Variants in BNIPL observed in about 807,000 individuals in gnomAD.
BNIPL encodes BCL2 interacting protein like, also known as bcl-2/adenovirus E1B 19 kDa-interacting protein 2-like protein.
Under a neutral mutation model 47.0 loss-of-function variants are expected in BNIPL, and 33 were observed. The observed-to-expected ratio is 0.70, with a 90% CI of 0.53 to 0.94. The LOEUF (loss-of-function observed/expected upper bound fraction) is 0.94, where lower values mean the gene tolerates loss of function less well. Among genes scored for constraint, BNIPL ranks in the 40% least tolerant of loss-of-function variants. BNIPL has a pLI of 0.00. For synonymous variants in BNIPL, 145 were observed against 162.7 expected, an observed-to-expected ratio of 0.89 and a Z score of 0.83; for missense variants, 404 against 445.2, an observed-to-expected ratio of 0.91 and a Z score of 0.83.
At chr1:151,045,129 A>G (rs587680659) in intron 7 of BNIPL, 8 of 294,180 alleles carry the variant, frequency 2.7e-5, no homozygotes, top group Admixed American at 5.2e-5. Flanking sequence ...TTAGCTGGGC[A>G]TGGTGGCATG....
intron 9 of BNIPL, among the ~76,000 whole-genome samples, chr1:151,046,375 AC>A (rs201670466): frequency 6.6e-6 from 1 of 151,140 alleles, no homozygotes; most frequent in South Asian, 2.1e-4. Flanking sequence ...AAAAAAAAAA[AC>A]CTATACATAT....
intron 1 of BNIPL, 62 bp downstream of exon 1, chr1:151,036,828 C>T (rs1675615439): frequency 2.7e-6 from 4 of 1,487,100 alleles, no homozygotes; most frequent in African/African-American, 1.4e-5. Context: ...AGAGACTTCC[C>T]CACCACCCAG....
At position 151,036,699 on chromosome 1, in the gene BNIPL, A is replaced by G. The variant is rs774828944; in HGVS notation, c.-27A>G. The G allele has an allele frequency of 3.1e-6, 5 of 1,600,516 alleles. No individual in the cohort carries two copies. The highest frequency in any genetic ancestry group is 4.3e-6 in the Non-Finnish European group (5 of 1,167,800). ...CTCCCCAACAACTCCTAGGTGTTTA[A>G]AGAAGGAGGCAGGAAGACTTGTGAA... On this transcript the variant is annotated 5_prime_UTR_variant, in exon 1 of 10. Transcript: ENST00000368931.
At chr1:151,045,611 G>T in intron 7 of BNIPL, 186 bp from the exon 8 acceptor site, 1 of 981,516 alleles carries the variant, frequency 1.0e-6, no homozygotes, top group Non-Finnish European at 1.4e-6. Flanking sequence ...TGAGGATCAT[G>T]GAGGGCTAAA....
intron 7 of BNIPL, chr1:151,045,465 A>C (rs866261367): frequency 1.2e-4 from 25 of 211,290 alleles, no homozygotes; most frequent in African/African-American, 5.8e-4. Context: ...AGGCTGAGGC[A>C]GGAGAATGGC....
chr1:151,042,244 G>T lies in BNIPL; in HGVS notation c.434-712G>T, dbSNP rs189166148. On this transcript the variant is annotated intron_variant, in intron 4 of 9. Transcript: ENST00000368931. ...GAATGATTTTGAGTTCCATTTTTTT[G>T]TTGTTGTTGTTATTGTTTTGTAATT... Among the ~76,000 whole-genome samples, 901 of 151,616 alleles carry T rather than the reference G, an allele frequency of 5.9e-3. 14 individuals carry two copies. Among genetic ancestry groups the T allele is most frequent in the African/African-American group, 0.02 (818 of 41,328 alleles).
chr1:151,038,887 G>T lies in BNIPL; in HGVS notation c.294G>T (p.Lys98Asn), dbSNP rs774834566. 1.9e-6 allele frequency: 3 copies of T among 1,614,082 alleles called. No homozygotes were observed. Among genetic ancestry groups the T allele is most frequent in the Non-Finnish European group, 2.5e-6 (3 of 1,179,986 alleles). ...SAPELRLSLTKGPGNDGASPT... is the reference protein window; with the variant it reads ...SAPELRLSLTNGPGNDGASPT... ...CAGAGTTGCGGCTGAGTCTGACTAA[G>T]GGGCCTGGAAATGATGGAGCTTCAC... is the stretch of plus-strand genomic sequence containing the variant. The change falls in exon 4 of 10, where the codon AAG (lysine) becomes AAT (asparagine). Residue 98 changes from lysine (K) to asparagine (N), a missense_variant. Physicochemically the swap from Lys to Asn is moderately conservative, Grantham distance 94 (BLOSUM62 0). Coordinates refer to ENST00000368931, the MANE Select transcript of BNIPL (RefSeq NM_138278.4).
In BNIPL at chr1:151,038,903, G is replaced by A. The variant is rs776813424; in HGVS notation, c.310G>A (p.Gly104Arg). 6.2e-7 allele frequency: 1 copy of A among 1,614,050 alleles called. No homozygotes were observed. The highest frequency in any genetic ancestry group is 1.7e-5 in the Admixed American group (1 of 59,982). ...LSLTKGPGND[G>R]ASPTQSAPSS... is the part of the protein sequence containing the mutation. ...TCTGACTAAGGGGCCTGGAAATGAT[G>A]GAGCTTCACCCACCCAGTCTGCACC... Residue 104 changes from glycine to arginine, a missense_variant, in exon 4 of 10, where the codon GGA becomes AGA. Coordinates refer to ENST00000368931, the MANE Select transcript of BNIPL (RefSeq NM_138278.4).
At chr1:151,046,028 C>G in intron 8 of BNIPL, 39 bp from the exon 9 acceptor site, 1 of 1,613,750 alleles carries the variant, frequency 6.2e-7, no homozygotes, top group Non-Finnish European at 8.5e-7. Flanking sequence ...GAACCCTTCT[C>G]CCAATACAAA....
Position 151,038,901 on chromosome 1 carries a change from A to G in BNIPL, c.308A>G (p.Asp103Gly). The G allele has an allele frequency of 2.5e-6, 4 of 1,614,078 alleles. No individual in the cohort carries two copies. The highest frequency in any genetic ancestry group is 3.4e-6 in the Non-Finnish European group (4 of 1,179,990). Residue 103 changes from aspartate (D) to glycine (G), a missense_variant, in exon 4 of 10, where the codon GAT (aspartate) becomes GGT (glycine). Asp to Gly is a moderately conservative substitution (Grantham distance 94). Coordinates refer to ENST00000368931, the MANE Select transcript of BNIPL (RefSeq NM_138278.4). ...AGTCTGACTAAGGGGCCTGGAAATG[A>G]TGGAGCTTCACCCACCCAGTCTGCA... Reference protein sequence around the residue: ...RLSLTKGPGNDGASPTQSAPS... With the variant: ...RLSLTKGPGNGGASPTQSAPS...
intron 4 of BNIPL, among the ~76,000 whole-genome samples, chr1:151,040,759 C>T (rs1190977959): frequency 6.8e-6 from 1 of 147,254 alleles, no homozygotes; most frequent in Non-Finnish European, 1.5e-5. Context: ...TGCGTCACTG[C>T]ACTCCAGCCT....
rs114210874 is a variant in BNIPL, at chr1:151,041,481, C to T, written c.434-1475C>T. Among the ~76,000 whole-genome samples the T allele has an allele frequency of 4.9e-3, 740 of 152,176 alleles. 12 individuals are homozygous for T. The highest frequency in any genetic ancestry group is 0.017 in the African/African-American group (706 of 41,522). ...AGGCATGCTGATGTGTACCCATAGC[C>T]CTAGCTACTTGGGAAGCTGGGGTGG... On this transcript the variant is annotated intron_variant, in intron 4 of 9. Transcript: ENST00000368931.
chr1:151,043,683 AC>A lies in BNIPL; in HGVS notation c.809del (p.Pro270LeufsTer2), dbSNP rs1427146357. 6.2e-7 allele frequency: 1 copy of A among 1,613,812 alleles called. No homozygotes were observed. The highest frequency in any genetic ancestry group is 8.5e-7 in the Non-Finnish European group (1 of 1,179,884). On this transcript the variant is annotated frameshift_variant, in exon 7 of 10. Transcript: ENST00000368931. LOFTEE classifies it high-confidence loss of function. ...GAGGCACAAGCAGGGCCCAAGTTCCACCTCTAAGCTGGATACGTCAGTGTTA... is the reference window on the plus strand; with the variant it reads ...GAGGCACAAGCAGGGCCCAAGTTCCACTCTAAGCTGGATACGTCAGTGTTA... The part of the protein sequence containing the change: ...SGGTSRAQVP[P>X]LSWIRQCYRT...
intron 7 of BNIPL, among the ~76,000 whole-genome samples, chr1:151,044,729 A>G (rs921325530): frequency 6.7e-6 from 1 of 150,200 alleles, no homozygotes; most frequent in African/African-American, 2.4e-5. Flanking sequence ...TGCTGGGATT[A>G]CAGGTGTGAG....
chr1:151,044,281 G>A (rs11204765), intron 7 of BNIPL, among the ~76,000 whole-genome samples: 13,418 of 152,154 alleles, frequency 0.088, 741 homozygotes, highest in African/African-American at 0.15. Flanking sequence ...CACTGCACCC[G>A]GCCACTTCAG....
At chr1:151,036,998 TC>T (rs1326904666) in intron 1 of BNIPL, among the ~76,000 whole-genome samples, 1 of 152,160 alleles carries the variant, frequency 6.6e-6, no homozygotes, top group Non-Finnish European at 1.5e-5. Flanking sequence ...AAAGGAAGTT[TC>T]TGTAATATGT....
chr1:151,039,600 A>G (rs1279103966), intron 4 of BNIPL, among the ~76,000 whole-genome samples: 3 of 152,178 alleles, frequency 2.0e-5, no homozygotes, highest in African/African-American at 4.8e-5. Flanking sequence ...GAGCATGACT[A>G]TTTTAATATG....
chr1:151,038,353 AAC>A, intron 2 of BNIPL, 149 bp from the exon 3 acceptor site: 1 of 648,800 alleles, frequency 1.5e-6, no homozygotes, highest in South Asian at 1.9e-5. Flanking sequence ...CAGCCTGGGC[AAC>A]AGAGTGAGAC....
intron 4 of BNIPL, among the ~76,000 whole-genome samples, chr1:151,042,298 G>A (rs1260270912): frequency 6.6e-6 from 1 of 151,386 alleles, no homozygotes; most frequent in African/African-American, 2.4e-5. Flanking sequence ...TAAATTTTTT[G>A]TAAAGATGAG....
Sources: gnomAD v4.1 joint callset for allele counts (sites outside exome capture counted in the v4.1 genomes callset) on GRCh38, gnomAD v4.1.1 for gene constraint, MANE v1.5 for transcripts, NCBI Gene and HGNC (gene_info 2026-07-23, HGNC 2026-07-21) for gene names.